Variants in RBFOX1 observed in about 807,000 individuals in gnomAD.
RBFOX1 encodes RNA binding protein fox-1 homolog 1.
A neutral mutation model predicts 57.7 loss-of-function variants in RBFOX1; 8 were observed. The ratio of observed to expected loss-of-function variants is 0.14; its 90% CI spans 0.08 to 0.25. The LOEUF is 0.25. RBFOX1 is among the 10% of genes least tolerant of loss of function. RBFOX1 has a pLI of 1.00. For missense variants in RBFOX1, 611 were observed against 548.5 expected, an observed-to-expected ratio of 1.11 and a Z score of -1.14; for synonymous variants, 326 against 222.4, an observed-to-expected ratio of 1.47 and a Z score of -4.15.
At chr16:5,272,321 A>T (rs1024374803) in intron 1 of RBFOX1, among the ~76,000 whole-genome samples, 12 of 152,320 alleles carry the variant, frequency 7.9e-5, no homozygotes, top group African/African-American at 2.2e-4. Flanking sequence ...ACATCACATA[A>T]ATGTGTACAA....
rs972551186 is a variant in RBFOX1 at position 6,804,460 on chromosome 16, C to G, written c.-16+149810C>G. Among the ~76,000 whole-genome samples, 3 of 152,120 alleles carry G rather than the reference C, an allele frequency of 2.0e-5. No homozygotes were observed. In the East Asian group the frequency reaches 5.8e-4, roughly 29 times the overall value. On this transcript the variant is annotated intron_variant, in intron 3 of 15. Transcript: ENST00000550418. ...TGACTGAAGATTTGACTGGATGGTA[C>G]ACGCCCTCCAATGGAACTAACAGGC... is the stretch of plus-strand genomic sequence containing the variant.
intron 2 of RBFOX1, among the ~76,000 whole-genome samples, chr16:6,574,413 C>T (rs887497341): frequency 1.4e-5 from 2 of 146,584 alleles, no homozygotes; most frequent in Non-Finnish European, 3.0e-5. Context: ...GGGTTTCTGT[C>T]CGTATCTTCT....
intron 2 of RBFOX1, among the ~76,000 whole-genome samples, chr16:6,450,631 C>T (rs1487405416): frequency 1.3e-5 from 2 of 148,864 alleles, no homozygotes; most frequent in African/African-American, 5.0e-5. Context: ...ACTTTTATCA[C>T]CTCTTAACAA....
chr16:7,121,241 A>G (rs1289630803), intron 4 of RBFOX1, among the ~76,000 whole-genome samples: 1 of 152,096 alleles, frequency 6.6e-6, no homozygotes, highest in Non-Finnish European at 1.5e-5. Flanking sequence ...CTTATGCCAC[A>G]TAGTACTGGA....
At chr16:7,287,336 A>T (rs186557380) in intron 4 of RBFOX1, among the ~76,000 whole-genome samples, 2 of 152,312 alleles carry the variant, frequency 1.3e-5, no homozygotes, top group East Asian at 3.9e-4. Context: ...CAAGAAAGAA[A>T]CTTCTTTGGT....
At chr16:7,534,088 T>TTTC (rs1567705043) in intron 5 of RBFOX1, among the ~76,000 whole-genome samples, 1 of 143,912 alleles carries the variant, frequency 6.9e-6, no homozygotes, top group Non-Finnish European at 1.5e-5. Context: ...TTTTTTTTCT[T>TTTC]TTTTTTTTTT....
intron 4 of RBFOX1, among the ~76,000 whole-genome samples, chr16:7,205,549 C>G (rs939448122): frequency 6.6e-6 from 1 of 151,188 alleles, no homozygotes; most frequent in Non-Finnish European, 1.5e-5. Flanking sequence ...AAAAAGAAAA[C>G]TTACGGAAAT....
chr16:6,923,111 G>C (rs1043018403), intron 3 of RBFOX1, among the ~76,000 whole-genome samples: 2 of 152,180 alleles, frequency 1.3e-5, no homozygotes, highest in South Asian at 2.1e-4. Flanking sequence ...AAAGTGATTT[G>C]TAGAATTCCA....
intron 3 of RBFOX1, among the ~76,000 whole-genome samples, chr16:5,679,345 T>C (rs1337251217): frequency 6.6e-6 from 1 of 152,122 alleles, no homozygotes; most frequent in Non-Finnish European, 1.5e-5. Context: ...TTTTTTTTTT[T>C]TAAAAAACAA....
intron 3 of RBFOX1, among the ~76,000 whole-genome samples, chr16:6,688,777 A>T (rs1373550778): frequency 3.3e-5 from 5 of 152,006 alleles, no homozygotes; most frequent in Non-Finnish European, 1.5e-5. Context: ...TCCTAATGCC[A>T]TCCTTCCCTA....
chr16:6,486,932 C>A (rs42385), intron 2 of RBFOX1, among the ~76,000 whole-genome samples: 34,159 of 151,876 alleles, frequency 0.22, 4,487 homozygotes, highest in Non-Finnish European at 0.3. Flanking sequence ...GATTTAGGAT[C>A]CCTGCTGAAC....
At chr16:5,302,295 A>AT (rs568190776) in intron 1 of RBFOX1, among the ~76,000 whole-genome samples, 1 of 152,128 alleles carries the variant, frequency 6.6e-6, no homozygotes, top group Non-Finnish European at 1.5e-5. Flanking sequence ...CAGAGAAATC[A>AT]TTTTTTTGAT....
chr16:7,487,937 C>T (rs1282883936), intron 4 of RBFOX1, among the ~76,000 whole-genome samples: 1 of 152,164 alleles, frequency 6.6e-6, no homozygotes, highest in Non-Finnish European at 1.5e-5. Flanking sequence ...CTCAGGGATT[C>T]CCACTCTTGG....
At chr16:5,901,320 C>A (rs888068038) in intron 4 of RBFOX1, among the ~76,000 whole-genome samples, 1 of 152,196 alleles carries the variant, frequency 6.6e-6, no homozygotes, top group African/African-American at 2.4e-5. Context: ...GATCCCCTTA[C>A]TGTTGGGGTT....
At chr16:6,264,753 C>T (rs1292224836) in intron 1 of RBFOX1, among the ~76,000 whole-genome samples, 1 of 152,180 alleles carries the variant, frequency 6.6e-6, no homozygotes, top group African/African-American at 2.4e-5. Flanking sequence ...CTCTTTTTTG[C>T]AGCCTATGTT....
intron 2 of RBFOX1, among the ~76,000 whole-genome samples, chr16:6,543,494 G>A (rs185595533): frequency 6.6e-6 from 1 of 152,094 alleles, no homozygotes. Context: ...GAACCCACTT[G>A]TTCCCTCTCT....
intron 3 of RBFOX1, among the ~76,000 whole-genome samples, chr16:6,928,487 G>C (rs1051497658): frequency 1.3e-5 from 2 of 152,132 alleles, no homozygotes; most frequent in African/African-American, 4.8e-5. Context: ...TCAGAAATAA[G>C]ACTGCTTTCA....
intron 5 of RBFOX1, among the ~76,000 whole-genome samples, chr16:7,527,800 C>T: frequency 6.6e-6 from 1 of 152,132 alleles, no homozygotes; most frequent in Non-Finnish European, 1.5e-5. Context: ...GAAATAATTA[C>T]AGTACCCATA....
chr16:6,080,672 A>G (rs2095987780), intron 1 of RBFOX1, among the ~76,000 whole-genome samples: 1 of 152,234 alleles, frequency 6.6e-6, no homozygotes, highest in Non-Finnish European at 1.5e-5. Flanking sequence ...TATTTTTAAA[A>G]GATGTACTCT....
Sources: gnomAD v4.1 joint callset for allele counts (sites outside exome capture counted in the v4.1 genomes callset) on GRCh38, gnomAD v4.1.1 for gene constraint, MANE v1.5 for transcripts, NCBI Gene and HGNC (gene_info 2026-07-23, HGNC 2026-07-21) for gene names.